Variants in ARNT2 observed in about 807,000 individuals in gnomAD.
ARNT2 encodes aryl hydrocarbon receptor nuclear translocator 2, also known as ARNT protein 2.
ARNT2 carries 36 observed loss-of-function variants against 91.7 expected under a neutral mutation model. The observed-to-expected ratio is 0.39, with a 90% CI of 0.30 to 0.52. ARNT2 has a LOEUF of 0.52. ARNT2 is among the 20% of genes least tolerant of loss of function. ARNT2 has a pLI of 0.72. For synonymous variants in ARNT2, 365 were observed against 347.1 expected (o/e 1.05, Z -0.57); for missense variants, 775 against 939.3 (o/e 0.83, Z 2.29).
At chr15:80,532,094 A>G (rs900003443) in intron 8 of ARNT2, among the ~76,000 whole-genome samples, 1 of 152,106 alleles carries the variant, frequency 6.6e-6, no homozygotes, top group African/African-American at 2.4e-5. Context: ...CTTAATGTGT[A>G]TTTTCTTATC....
At chr15:80,419,991 T>C (rs1049760081) in intron 1 of ARNT2, among the ~76,000 whole-genome samples, 5 of 152,098 alleles carry the variant, frequency 3.3e-5, no homozygotes, top group African/African-American at 9.7e-5. Flanking sequence ...CCTGGGGCAA[T>C]GGGAGGATAG....
At chr15:80,480,029 GA>G (rs1367494323) in intron 5 of ARNT2, among the ~76,000 whole-genome samples, 27 of 152,284 alleles carry the variant, frequency 1.8e-4, no homozygotes, top group Non-Finnish European at 1.6e-4. Flanking sequence ...TATGGGGAAG[GA>G]CGAGTGTTCT....
rs982752559 is a variant in ARNT2 at position 80,574,144 on chromosome 15, A to G, written c.1317-4A>G. ...TGACCCTCTGTTGTCTTCTTGTTTC[A>G]CAGGCAACTTCAGCAACAGCAGGCA... is the stretch of plus-strand genomic sequence containing the variant. On this transcript the variant is annotated splice_polypyrimidine_tract_variant and splice_region_variant and intron_variant, in intron 12 of 18. Transcript: ENST00000303329. 3 of 1,614,016 alleles carry G rather than the reference A, an allele frequency of 1.9e-6. No individual in the cohort carries two copies. Among genetic ancestry groups the G allele is most frequent in the Admixed American group, 3.3e-5 (2 of 60,026 alleles).
intron 8 of ARNT2, among the ~76,000 whole-genome samples, chr15:80,534,766 G>A (rs965735579): frequency 6.6e-6 from 1 of 152,158 alleles, no homozygotes; most frequent in African/African-American, 2.4e-5. Context: ...GGACGTCCTC[G>A]CATTTGAATC....
At chr15:80,484,907 T>C (rs1896944804) in intron 5 of ARNT2, among the ~76,000 whole-genome samples, 1 of 152,216 alleles carries the variant, frequency 6.6e-6, no homozygotes, top group African/African-American at 2.4e-5. Flanking sequence ...TTACAGTCCA[T>C]GGCCTTTACC....
chr15:80,518,668 A>C (rs1359882047), intron 8 of ARNT2, among the ~76,000 whole-genome samples: 4 of 151,948 alleles, frequency 2.6e-5, no homozygotes, highest in Admixed American at 2.6e-4. Flanking sequence ...TGGGGGAGAG[A>C]AATTGTTCTG....
In ARNT2 at chr15:80,595,811, C is replaced by T. The variant is rs781103209; in HGVS notation, c.*2113C>T. On this transcript the variant is annotated 3_prime_UTR_variant, in exon 19 of 19. Coordinates refer to ENST00000303329, the MANE Select transcript of ARNT2 (RefSeq NM_014862.4). ...AGCCCCAGAATGGGCCTTTCTCTGC[C>T]TGCCCTGCCCTTGGGGCCACCTCTG... 8 of 152,218 alleles carry T rather than the reference C, an allele frequency of 5.3e-5. No individual in the cohort carries two copies. The highest frequency in any genetic ancestry group is 7.3e-5 in the Non-Finnish European group (5 of 68,044). The allele number at this position is 152,218 out of a possible 1,614,324, so 9.4% of individuals were successfully genotyped here.
At chr15:80,448,979 C>T (rs932161912) in intron 1 of ARNT2, among the ~76,000 whole-genome samples, 7 of 152,052 alleles carry the variant, frequency 4.6e-5, no homozygotes, top group African/African-American at 7.2e-5. Flanking sequence ...AGTGAGACTC[C>T]GTCTCAAAAA....
chr15:80,570,859 T>A (rs1898571601), intron 12 of ARNT2, among the ~76,000 whole-genome samples: 1 of 152,128 alleles, frequency 6.6e-6, no homozygotes, highest in Non-Finnish European at 1.5e-5. Flanking sequence ...AAGAGTTCCG[T>A]ACAGTTCACT....
At chr15:80,497,651 T>C (rs1368309269) in intron 5 of ARNT2, among the ~76,000 whole-genome samples, 1 of 152,204 alleles carries the variant, frequency 6.6e-6, no homozygotes, top group Non-Finnish European at 1.5e-5. Flanking sequence ...CTAATATAGA[T>C]ACCATTCTGT....
At chr15:80,566,366 C>G (rs1260734516) in intron 12 of ARNT2, among the ~76,000 whole-genome samples, 2 of 152,202 alleles carry the variant, frequency 1.3e-5, no homozygotes, top group East Asian at 3.8e-4. Flanking sequence ...CTCCTCTCCT[C>G]CATTTCTGGC....
intron 1 of ARNT2, among the ~76,000 whole-genome samples, chr15:80,437,922 T>TACAC (rs58142108): frequency 0.25 from 35,276 of 141,410 alleles, 4,779 homozygotes; most frequent in Admixed American, 0.35. Flanking sequence ...TGTATTTACC[T>TACAC]ACACACACAC....
At chr15:80,513,836 A>T in intron 6 of ARNT2, 75 bp from the exon 7 acceptor site, 1 of 1,267,698 alleles carries the variant, frequency 7.9e-7, no homozygotes, top group Non-Finnish European at 1.2e-6. Context: ...AGGCTCATCT[A>T]CTTGATGGCA....
intron 1 of ARNT2, among the ~76,000 whole-genome samples, chr15:80,436,606 G>T (rs1259376121): frequency 6.6e-6 from 1 of 152,166 alleles, no homozygotes; most frequent in Non-Finnish European, 1.5e-5. Context: ...GGCGGGGGCT[G>T]TGTTTGCTTC....
At chr15:80,512,934 C>G (rs563396807) in intron 6 of ARNT2, among the ~76,000 whole-genome samples, 1 of 152,282 alleles carries the variant, frequency 6.6e-6, no homozygotes, top group African/African-American at 2.4e-5. Context: ...AATGAAACAG[C>G]TATTTTCAGT....
At chr15:80,464,842 G>A (rs1896628287) in intron 3 of ARNT2, among the ~76,000 whole-genome samples, 2 of 152,192 alleles carry the variant, frequency 1.3e-5, no homozygotes, top group African/African-American at 4.8e-5. Flanking sequence ...TGTCACCGAG[G>A]TGGGGCAGAG....
At chr15:80,522,527 C>G (rs1185808091) in intron 8 of ARNT2, among the ~76,000 whole-genome samples, 1 of 152,120 alleles carries the variant, frequency 6.6e-6, no homozygotes, top group African/African-American at 2.4e-5. Flanking sequence ...GTATAGCCTA[C>G]TACACACCTA....
chr15:80,406,967 G>T (rs1319008469), intron 1 of ARNT2, among the ~76,000 whole-genome samples: 1 of 152,138 alleles, frequency 6.6e-6, no homozygotes, highest in Non-Finnish European at 1.5e-5. Flanking sequence ...GAGCCAAAGA[G>T]AGAGAGTTCA....
In ARNT2 at chr15:80,406,586, GGACTAAAGATCTAAA is replaced by G. The variant is rs1262636331; in HGVS notation, c.31+2043_31+2057del. On this transcript the variant is annotated intron_variant, in intron 1 of 18. Transcript: ENST00000303329. ...CATTACATTGCTCCATGAGCTACAT[GGACTAAAGATCTAAA>G]GATGGAGTAACTGCCCCTGGCCCCG... 2.6e-5 allele frequency among the ~76,000 whole-genome samples: 4 copies of G among 152,262 alleles called. No homozygotes were observed. The East Asian group carries it at 7.7e-4, about 29-fold the overall frequency.
Sources: gnomAD v4.1 joint callset for allele counts (sites outside exome capture counted in the v4.1 genomes callset) on GRCh38, gnomAD v4.1.1 for gene constraint, MANE v1.5 for transcripts, NCBI Gene and HGNC (gene_info 2026-07-23, HGNC 2026-07-21) for gene names.